RNF24: variants seen among roughly 807,000 people sequenced by gnomAD.
RNF24 encodes the protein ring finger protein 24.
In RNF24, 14 loss-of-function variants were observed where a neutral mutation model predicts 20.0. The ratio of observed to expected loss-of-function variants is 0.70; its 90% CI spans 0.46 to 1.10. The LOEUF (loss-of-function observed/expected upper bound fraction) is 1.10. Ranked by LOEUF, RNF24 falls within the 50% of genes least tolerant of loss-of-function variation. The pLI is 0.00. For synonymous variants in RNF24, 45 were observed against 61.1 expected (o/e 0.74, Z 1.23); for missense variants, 124 against 177.6 (o/e 0.70, Z 1.71).
chr20:3,993,447 C>T (rs1167955067), intron 1 of RNF24, among the ~76,000 whole-genome samples: 1 of 152,124 alleles, frequency 6.6e-6, no homozygotes, highest in African/African-American at 2.4e-5. Flanking sequence ...TCACCACACC[C>T]AGCTAAGTTT....
chr20:3,965,920 G>A (rs1385555801), intron 1 of RNF24, among the ~76,000 whole-genome samples: 1 of 152,108 alleles, frequency 6.6e-6, no homozygotes, highest in African/African-American at 2.4e-5. Context: ...GATCACCTGA[G>A]GTTAGGAGTT....
rs1982075859 is a variant in RNF24, at chr20:4,008,376, AT to A, written c.-8+7060del. Among the ~76,000 whole-genome samples the A allele has an allele frequency of 1.9e-3, 68 of 35,624 alleles. 1 individual carries two copies. The highest frequency in any genetic ancestry group is 0.011 in the Middle Eastern group (1 of 88). 23.4% of individuals were successfully genotyped at this position (35,624 alleles called of 152,430 possible). On this transcript the variant is annotated intron_variant, in intron 1 of 5. Coordinates refer to ENST00000358395, the MANE Select transcript of RNF24 (RefSeq NM_001134337.3). ...AATATGTATAATATATATATTATAT[AT>A]ATAATATATATATTATATATGTAAT...
intron 1 of RNF24, among the ~76,000 whole-genome samples, chr20:3,995,340 C>T (rs572858010): frequency 3.3e-5 from 5 of 152,338 alleles, no homozygotes; most frequent in East Asian, 1.9e-4. Context: ...GTTAGATCTA[C>T]ATCTTTGAGC....
At chr20:3,976,216 C>T (rs1202745010) in intron 1 of RNF24, among the ~76,000 whole-genome samples, 1 of 151,808 alleles carries the variant, frequency 6.6e-6, no homozygotes, top group Non-Finnish European at 1.5e-5. Flanking sequence ...AGAAAATGGG[C>T]AAAAGAGATA....
At chr20:4,014,739 G>GCGCGCACACACA (rs1555804206) in intron 1 of RNF24, among the ~76,000 whole-genome samples, 1 of 143,670 alleles carries the variant, frequency 7.0e-6, no homozygotes. Flanking sequence ...ACTTGAATGC[G>GCGCGCACACACA]CACACACACA....
intron 1 of RNF24, among the ~76,000 whole-genome samples, chr20:4,007,738 CAAA>C (rs1161702317): frequency 3.6e-5 from 2 of 56,326 alleles, no homozygotes; most frequent in Non-Finnish European, 7.2e-5. Flanking sequence ...CCTGTCTCTA[CAAA>C]AAAAAAAAAA....
chr20:3,975,490 T>C (rs1978791437), intron 1 of RNF24, among the ~76,000 whole-genome samples: 1 of 152,022 alleles, frequency 6.6e-6, no homozygotes, highest in Admixed American at 6.5e-5. Flanking sequence ...GAAAAAAATA[T>C]TTGCAAACCG....
intron 1 of RNF24, among the ~76,000 whole-genome samples, chr20:3,983,940 C>CAAAAAA (rs56680870): frequency 1.5e-5 from 1 of 65,664 alleles, no homozygotes; most frequent in African/African-American, 6.2e-5. Flanking sequence ...GACTTGGTCT[C>CAAAAAA]AAAAAAAAAA....
chr20:4,015,358 A>G (rs1982812853), intron 1 of RNF24, 79 bp downstream of exon 1: 1 of 151,778 alleles, frequency 6.6e-6, no homozygotes, highest in African/African-American at 2.4e-5. Context: ...CAGCATCCCG[A>G]ACCCGGAGCG....
At chr20:3,955,421 A>G (rs763506550) in intron 2 of RNF24, among the ~76,000 whole-genome samples, 1 of 152,044 alleles carries the variant, frequency 6.6e-6, no homozygotes, top group Non-Finnish European at 1.5e-5. Context: ...TGGCACCCTT[A>G]TTTGCATATC....
intron 2 of RNF24, among the ~76,000 whole-genome samples, chr20:3,960,440 C>A (rs984418054): frequency 6.6e-6 from 1 of 152,284 alleles, no homozygotes; most frequent in Middle Eastern, 3.4e-3. Context: ...GAGGCTGAGG[C>A]AGGCGGATCA....
intron 1 of RNF24, among the ~76,000 whole-genome samples, chr20:4,013,630 C>A (rs533433244): frequency 1.3e-5 from 2 of 152,012 alleles, no homozygotes; most frequent in Non-Finnish European, 2.9e-5. Flanking sequence ...TACAGGCGCT[C>A]GCCACCATGC....
In RNF24 at chr20:3,929,435, G is replaced by T. The variant is rs530772571; in HGVS notation, c.*4628C>A. The T allele has an allele frequency of 1.3e-5, 2 of 152,276 alleles. No individual in the cohort carries two copies. Among genetic ancestry groups the T allele is most frequent in the African/African-American group, 4.8e-5 (2 of 41,452 alleles). The allele number at this position is 152,276 out of a possible 1,614,324, so 9.4% of individuals were successfully genotyped here. On this transcript the variant is annotated 3_prime_UTR_variant, in exon 6 of 6. Coordinates refer to ENST00000358395, the MANE Select transcript of RNF24 (RefSeq NM_001134337.3). Reference sequence around the variant, plus strand: ...TGGGAGGGAAAGGGAGTAGCTCCATGAACTGACGCTGGACATTCAGGCATA... The same window carrying T: ...TGGGAGGGAAAGGGAGTAGCTCCATTAACTGACGCTGGACATTCAGGCATA...
At chr20:4,001,678 C>T (rs879890756) in intron 1 of RNF24, among the ~76,000 whole-genome samples, 2 of 152,038 alleles carry the variant, frequency 1.3e-5, no homozygotes, top group Non-Finnish European at 2.9e-5. Context: ...GAATCACGCC[C>T]GTAGCCCAGC....
At chr20:3,968,102 G>A (rs965690552) in intron 1 of RNF24, among the ~76,000 whole-genome samples, 2 of 150,872 alleles carry the variant, frequency 1.3e-5, no homozygotes, top group Admixed American at 1.3e-4. Context: ...TCAGGAGTTC[G>A]AGACCTGCCT....
chr20:3,998,127 G>C (rs575772398), intron 1 of RNF24, among the ~76,000 whole-genome samples: 58 of 152,160 alleles, frequency 3.8e-4, no homozygotes, highest in Non-Finnish European at 7.2e-4. Context: ...TTAGCATTCA[G>C]CCCATCAAGC....
chr20:3,950,789 AAATT>A (rs2091072442), intron 2 of RNF24, among the ~76,000 whole-genome samples: 1 of 152,176 alleles, frequency 6.6e-6, no homozygotes, highest in Non-Finnish European at 1.5e-5. Context: ...CAAAACCATT[AAATT>A]AACATTGATA....
chr20:4,006,377 A>G (rs1435042635), intron 1 of RNF24, among the ~76,000 whole-genome samples: 1 of 152,190 alleles, frequency 6.6e-6, no homozygotes, highest in African/African-American at 2.4e-5. Context: ...TCAAAAAAAA[A>G]AAAAAGTCTA....
Position 3,930,172 on chromosome 20 carries a change from T to C in RNF24, c.*3891A>G, listed in dbSNP as rs1281992581. ...AACTCAAGAAAGGCTTTTAACTACT[T>C]TATGATTTGTGAACCACATGAATGG... On this transcript the variant is annotated 3_prime_UTR_variant, in exon 6 of 6. Transcript: ENST00000358395. 1 of 152,202 alleles carries C rather than the reference T, an allele frequency of 6.6e-6. No individual in the cohort carries two copies. The highest frequency in any genetic ancestry group is 1.5e-5 in the Non-Finnish European group (1 of 68,038). 9.4% of individuals were successfully genotyped at this position (152,202 alleles called of 1,614,324 possible).
Sources: gnomAD v4.1 joint callset for allele counts (sites outside exome capture counted in the v4.1 genomes callset) on GRCh38, gnomAD v4.1.1 for gene constraint, MANE v1.5 for transcripts, NCBI Gene and HGNC (gene_info 2026-07-23, HGNC 2026-07-21) for gene names.